Variants in PRKG1 observed in about 807,000 individuals in gnomAD.
PRKG1 encodes the protein cGMP-dependent protein kinase 1.
Under a neutral mutation model 88.1 loss-of-function variants are expected in PRKG1, and 35 were observed. That is an observed-to-expected ratio of 0.40 (90% CI 0.30 to 0.53). PRKG1 has a LOEUF of 0.53. PRKG1 is among the 20% of genes least tolerant of loss of function. The probability of loss-of-function intolerance (pLI) is 0.59; values close to 1 mark genes in which losing one functional copy is unlikely to be tolerated. For synonymous variants in PRKG1, 303 were observed against 292.5 expected, an observed-to-expected ratio of 1.04 and a Z score of -0.37; for missense variants, 540 against 839.8, an observed-to-expected ratio of 0.64 and a Z score of 4.41.
chr10:51,030,115 A>AT (rs1224735540), intron 1 of PRKG1, among the ~76,000 whole-genome samples: 3 of 152,142 alleles, frequency 2.0e-5, no homozygotes, highest in Admixed American at 2.0e-4. Flanking sequence ...CCTTCAGTAG[A>AT]TTTTCAATAA....
chr10:52,001,294 C>T (rs1291494106), intron 5 of PRKG1, among the ~76,000 whole-genome samples: 2 of 151,728 alleles, frequency 1.3e-5, no homozygotes, highest in Non-Finnish European at 2.9e-5. Flanking sequence ...TAATGTACAA[C>T]ATGGTGACTA....
At chr10:51,160,106 A>T (rs887621510) in intron 2 of PRKG1, among the ~76,000 whole-genome samples, 3 of 152,148 alleles carry the variant, frequency 2.0e-5, no homozygotes, top group Non-Finnish European at 2.9e-5. Context: ...CAAGACTCTG[A>T]GTCTGTGAAT....
intron 2 of PRKG1, among the ~76,000 whole-genome samples, chr10:51,438,429 A>G (rs1366729580): frequency 2.0e-5 from 3 of 152,016 alleles, no homozygotes; most frequent in East Asian, 3.9e-4. Flanking sequence ...GTGATCATAT[A>G]TCCTTAGGCT....
chr10:52,064,543 G>A (rs1035122397), intron 7 of PRKG1, among the ~76,000 whole-genome samples: 3 of 152,178 alleles, frequency 2.0e-5, no homozygotes, highest in Non-Finnish European at 4.4e-5. Flanking sequence ...GTCCATGGCC[G>A]TGACTTCGGG....
chr10:51,411,916 C>T (rs1000921606), intron 2 of PRKG1, among the ~76,000 whole-genome samples: 4 of 151,892 alleles, frequency 2.6e-5, no homozygotes, highest in African/African-American at 4.8e-5. Flanking sequence ...GGAAAAGTAA[C>T]GGCAGCACTG....
intron 2 of PRKG1, among the ~76,000 whole-genome samples, chr10:51,243,155 CTG>C (rs1564652501): frequency 1.3e-5 from 2 of 152,266 alleles, no homozygotes; most frequent in Middle Eastern, 3.4e-3. Context: ...CTTAGTGTGA[CTG>C]TGTTCATCCT....
chr10:51,454,063 A>AACT (rs1417572943), intron 2 of PRKG1, among the ~76,000 whole-genome samples: 1 of 152,084 alleles, frequency 6.6e-6, no homozygotes, highest in East Asian at 1.9e-4. Flanking sequence ...TCTGCAAAGA[A>AACT]ACTTACAAAA....
chr10:51,466,864 T>C (rs2132813178), intron 2 of PRKG1, among the ~76,000 whole-genome samples: 1 of 152,166 alleles, frequency 6.6e-6, no homozygotes, highest in African/African-American at 2.4e-5. Flanking sequence ...TTCTCTTCTG[T>C]AGACTGTGGA....
intron 3 of PRKG1, among the ~76,000 whole-genome samples, chr10:51,704,234 TAGAC>T (rs200695048): frequency 0.024 from 3,539 of 150,268 alleles, 106 homozygotes; most frequent in African/African-American, 0.076. Flanking sequence ...AGATGATAGA[TAGAC>T]AGACAGACAG....
At chr10:51,720,842 C>T (rs1199225559) in intron 3 of PRKG1, among the ~76,000 whole-genome samples, 2 of 152,080 alleles carry the variant, frequency 1.3e-5, no homozygotes, top group Non-Finnish European at 2.9e-5. Flanking sequence ...GTATGTTCCT[C>T]GTGGATACAA....
At chr10:52,148,029 G>A (rs1008932812) in intron 8 of PRKG1, among the ~76,000 whole-genome samples, 2 of 152,056 alleles carry the variant, frequency 1.3e-5, no homozygotes, top group Admixed American at 6.6e-5. Context: ...GAAGTCTTAA[G>A]GTTAAATATT....
chr10:51,242,470 T>C (rs1029872863), intron 2 of PRKG1, among the ~76,000 whole-genome samples: 1 of 152,146 alleles, frequency 6.6e-6, no homozygotes, highest in African/African-American at 2.4e-5. Flanking sequence ...ACCACTACAT[T>C]GGTGCAGTAA....
Position 50,991,763 on chromosome 10 carries a change from G to A in PRKG1, c.266+119G>A, listed in dbSNP as rs541299398. 538 of 756,774 alleles carry A rather than the reference G, an allele frequency of 7.1e-4. 5 individuals are homozygous for A. In the African/African-American group the frequency reaches 8.3e-3, roughly 12 times the overall value. 46.9% of individuals were successfully genotyped at this position (756,774 alleles called of 1,614,324 possible). A position where few individuals can be genotyped will look rare whatever the true frequency, so the allele number is the denominator to read the frequency against. On this transcript the variant is annotated intron_variant, in intron 1 of 17. Transcript: ENST00000401604. This position sits in a 1 kb window ranked among gnomAD's most constrained non-coding sequence, Gnocchi z 4.5. ...GGGCGCCCCCTGCTCGCTGCGGCGC[G>A]CGGAGTGGGGGTGGCCCCGCGGCCC...
intron 2 of PRKG1, among the ~76,000 whole-genome samples, chr10:51,367,928 C>T (rs1842623412): frequency 6.6e-6 from 1 of 151,904 alleles, no homozygotes. Context: ...GACCCCTCTG[C>T]CCAGCCAAAC....
intron 9 of PRKG1, chr10:52,184,846 G>A (rs975606343): frequency 6.6e-6 from 1 of 152,242 alleles, no homozygotes; most frequent in African/African-American, 2.4e-5. Context: ...ACTAGATCAT[G>A]TATGAAGTAA....
chr10:51,711,115 A>AT (rs997860104), intron 3 of PRKG1, among the ~76,000 whole-genome samples: 33 of 151,524 alleles, frequency 2.2e-4, no homozygotes, highest in Middle Eastern at 3.2e-3. Flanking sequence ...GACCTTTTTA[A>AT]TTTTTTTTGA....
At chr10:51,015,366 G>T (rs1843044943) in intron 1 of PRKG1, among the ~76,000 whole-genome samples, 1 of 152,098 alleles carries the variant, frequency 6.6e-6, no homozygotes. Flanking sequence ...TATATCAAAC[G>T]TTATTTTCTT....
intron 3 of PRKG1, among the ~76,000 whole-genome samples, chr10:51,670,902 A>T (rs1170188285): frequency 6.6e-6 from 1 of 152,026 alleles, no homozygotes; most frequent in African/African-American, 2.4e-5. Flanking sequence ...TAATCTCTTA[A>T]TAATGTTGTA....
At chr10:51,467,288 G>A (rs1001219286) in intron 2 of PRKG1, among the ~76,000 whole-genome samples, 1 of 151,958 alleles carries the variant, frequency 6.6e-6, no homozygotes, top group African/African-American at 2.4e-5. Context: ...TTAAATAATG[G>A]CAAAGGGTCA....
Sources: gnomAD v4.1 joint callset for allele counts (sites outside exome capture counted in the v4.1 genomes callset) on GRCh38, gnomAD v4.1.1 for gene constraint, Gnocchi (gnomAD v3.1) non-coding constraint, MANE v1.5 for transcripts, NCBI Gene and HGNC (gene_info 2026-07-23, HGNC 2026-07-21) for gene names.